The following ROBO2 variants were observed in gnomAD, a reference collection of about 807,000 sequenced individuals.
ROBO2 encodes roundabout guidance receptor 2.
ROBO2 carries 53 observed loss-of-function variants against 160.8 expected under a neutral mutation model. The ratio of observed to expected loss-of-function variants is 0.33; its 90% CI spans 0.26 to 0.41. The LOEUF (loss-of-function observed/expected upper bound fraction) is 0.41. Ranked by LOEUF, ROBO2 falls within the 10% of genes least tolerant of loss-of-function variation. The pLI is 1.00. For synonymous variants in ROBO2, 664 were observed against 611.7 expected (o/e 1.09, Z -1.26); for missense variants, 1,577 against 1,722.4 (o/e 0.92, Z 1.49).
chr3:77,426,262 G>T (rs2078196061), intron 2 of ROBO2, among the ~76,000 whole-genome samples: 1 of 152,132 alleles, frequency 6.6e-6, no homozygotes, highest in Non-Finnish European at 1.5e-5. Flanking sequence ...GTGTGGGAAA[G>T]ACTGATCAAG....
intron 22 of ROBO2, chr3:77,618,034 G>C (rs1299922879): frequency 2.1e-6 from 1 of 487,320 alleles, no homozygotes; most frequent in Non-Finnish European, 3.7e-6. Flanking sequence ...ACTAGAACTA[G>C]AGCAAGAATT....
At chr3:77,127,697 C>T (rs2075467423) in intron 2 of ROBO2, among the ~76,000 whole-genome samples, 1 of 152,056 alleles carries the variant, frequency 6.6e-6, no homozygotes, top group South Asian at 2.1e-4. Flanking sequence ...TTTTATCTTT[C>T]CTAATCAGGA....
At chr3:76,441,969 G>T (rs1434388515) in intron 2 of ROBO2, among the ~76,000 whole-genome samples, 1 of 152,172 alleles carries the variant, frequency 6.6e-6, no homozygotes, top group Admixed American at 6.6e-5. Flanking sequence ...GAGAGAGAGA[G>T]AAAGAATCTG....
At chr3:77,023,257 G>C (rs1219259484) in intron 2 of ROBO2, among the ~76,000 whole-genome samples, 1 of 152,172 alleles carries the variant, frequency 6.6e-6, no homozygotes, top group East Asian at 1.9e-4. Flanking sequence ...CACCATGTAA[G>C]TAGTGCCTTT....
At chr3:76,794,793 T>C (rs2063582565) in intron 2 of ROBO2, among the ~76,000 whole-genome samples, 1 of 152,066 alleles carries the variant, frequency 6.6e-6, no homozygotes, top group Non-Finnish European at 1.5e-5. Context: ...TTCACAAGCA[T>C]TTCTATTCTG....
At chr3:76,953,678 C>CCAAG (rs1156532952) in intron 2 of ROBO2, among the ~76,000 whole-genome samples, 2 of 152,138 alleles carry the variant, frequency 1.3e-5, no homozygotes, top group Admixed American at 1.3e-4. Context: ...ACAGGATATA[C>CCAAG]CAAGCATCAC....
At chr3:76,938,906 G>A (rs189451709) in intron 2 of ROBO2, among the ~76,000 whole-genome samples, 2 of 148,640 alleles carry the variant, frequency 1.3e-5, no homozygotes, top group East Asian at 4.0e-4. Context: ...AAGAGGTGGA[G>A]GTTGCAGTGA....
In ROBO2 at chr3:76,527,162, A is replaced by G. The variant is rs543855465; in HGVS notation, c.110-570852A>G. 5.3e-5 allele frequency among the ~76,000 whole-genome samples: 8 copies of G among 151,954 alleles called. No homozygotes were observed. In the East Asian group the frequency reaches 1.5e-3, roughly 29 times the overall value. ...TTTTGTAATTGTTTACATTTTGGAG[A>G]AAAAAAAGGCTTGAAAAAATGGTAT... On this transcript the variant is annotated intron_variant, in intron 2 of 26. Transcript: ENST00000487694.
chr3:77,571,209 C>T (rs1047214848), intron 13 of ROBO2, among the ~76,000 whole-genome samples: 2 of 151,960 alleles, frequency 1.3e-5, no homozygotes, highest in African/African-American at 2.4e-5. Context: ...AGATCAGACC[C>T]TTAGCAGCTA....
At chr3:77,633,917 C>T (rs767532108) in intron 23 of ROBO2, 2 of 152,164 alleles carry the variant, frequency 1.3e-5, no homozygotes, top group Middle Eastern at 3.2e-3. Context: ...GCATTTCCTG[C>T]ATGTATGCTA....
chr3:76,618,737 T>C (rs1048208566), intron 2 of ROBO2, among the ~76,000 whole-genome samples: 12 of 151,958 alleles, frequency 7.9e-5, no homozygotes, highest in Admixed American at 7.8e-4. Flanking sequence ...ATATTACATT[T>C]AATCACAATT....
At chr3:76,184,221 A>G (rs575762679) in intron 2 of ROBO2, among the ~76,000 whole-genome samples, 7 of 152,126 alleles carry the variant, frequency 4.6e-5, no homozygotes, top group African/African-American at 1.7e-4. Flanking sequence ...GTGTCCAGCT[A>G]GGTACTTTTG....
At chr3:77,589,040 GA>G in intron 17 of ROBO2, 107 bp downstream of exon 18, 1 of 1,281,128 alleles carries the variant, frequency 7.8e-7, no homozygotes, top group South Asian at 1.2e-5. Flanking sequence ...GCTTATTTTA[GA>G]AACCTGCACT....
At chr3:77,271,239 G>T (rs917318912) in intron 2 of ROBO2, among the ~76,000 whole-genome samples, 3 of 152,090 alleles carry the variant, frequency 2.0e-5, no homozygotes, top group Non-Finnish European at 4.4e-5. Context: ...AGAACTTTCA[G>T]TGTAAGCTAC....
chr3:77,067,090 T>G (rs1378981753), intron 1 of ROBO2, among the ~76,000 whole-genome samples: 1 of 151,014 alleles, frequency 6.6e-6, no homozygotes, highest in Non-Finnish European at 1.5e-5. Flanking sequence ...CAGCTTGCCT[T>G]TGTTGCTAGG....
At chr3:76,651,230 C>T (rs145888566) in intron 2 of ROBO2, among the ~76,000 whole-genome samples, 44 of 152,192 alleles carry the variant, frequency 2.9e-4, no homozygotes, top group African/African-American at 9.2e-4. Flanking sequence ...AGAATTCTTC[C>T]TCATCGCGGC....
At chr3:76,998,993 T>C (rs1270293403) in intron 2 of ROBO2, among the ~76,000 whole-genome samples, 1 of 152,144 alleles carries the variant, frequency 6.6e-6, no homozygotes, top group Middle Eastern at 3.2e-3. Context: ...TTAATATTTA[T>C]ATACAAAATC....
rs557773341 is a variant in ROBO2, at chr3:77,478,128, G to A, written c.546+557G>A. Among the ~76,000 whole-genome samples, 10 of 152,074 alleles carry A rather than the reference G, an allele frequency of 6.6e-5. No homozygotes were observed. In the South Asian group the frequency reaches 1.9e-3, roughly 28 times the overall value. ...GCGTGAGCCACCACACCCAGCTGAT[G>A]TTTTAGCTCTTTTATAAAATCTCCA... On this transcript the variant is annotated intron_variant, in intron 3 of 25. Transcript: ENST00000461745.
At chr3:77,467,232 A>T (rs1311021134) in intron 2 of ROBO2, among the ~76,000 whole-genome samples, 1 of 152,228 alleles carries the variant, frequency 6.6e-6, no homozygotes, top group Non-Finnish European at 1.5e-5. Context: ...TTTAATTTAA[A>T]AGTGCATGTA....
Sources: gnomAD v4.1 joint callset for allele counts (sites outside exome capture counted in the v4.1 genomes callset) on GRCh38, gnomAD v4.1.1 for gene constraint, MANE v1.5 for transcripts, NCBI Gene and HGNC (gene_info 2026-07-23, HGNC 2026-07-21) for gene names.